PLK5: variants seen among roughly 807,000 people sequenced by gnomAD.
PLK5 encodes the protein inactive serine/threonine-protein kinase PLK5.
Under a neutral mutation model 33.7 loss-of-function variants are expected in PLK5, and 28 were observed. That is an observed-to-expected ratio of 0.83 (90% CI 0.62 to 1.14). The LOEUF is 1.14. Among genes scored for constraint, PLK5 ranks in the 50% most tolerant of loss-of-function variants. The pLI, the probability that PLK5 is intolerant of heterozygous loss-of-function variation, is 0.00. For missense variants in PLK5, 492 were observed against 461.5 expected, an observed-to-expected ratio of 1.07 and a Z score of -0.61; for synonymous variants, 225 against 202.2, an observed-to-expected ratio of 1.11 and a Z score of -0.96.
In PLK5 at chr19:1,535,598, C is replaced by T. The variant is rs1332722428; in HGVS notation, c.*348C>T. On this transcript the variant is annotated 3_prime_UTR_variant, in exon 14 of 14. Transcript: ENST00000454744. ...TTTTCACTAATGCAGACATTAGCAC[C>T]AGAGGCCAGTGTAGTGGCTCATGCC... 1 of 282,204 alleles carries T rather than the reference C, an allele frequency of 3.5e-6. No individual in the cohort carries two copies. Among genetic ancestry groups the T allele is most frequent in the Non-Finnish European group, 6.6e-6 (1 of 151,000 alleles). The allele number at this position is 282,204 out of a possible 1,614,324, so 17.5% of individuals were successfully genotyped here. A position where few individuals can be genotyped will look rare whatever the true frequency, so the allele number is the denominator to read the frequency against.
At position 1,535,220 on chromosome 19, in the gene PLK5, C is replaced by T. The variant is rs1339860462; in HGVS notation, c.981C>T (p.His327=). ...GCAPTTGQHL[H]HALRMLQSI ...CCCCCACCACCGGACAGCACCTTCA[C>T]CACGCCCTCCGCATGCTGCAGAGTA... The change falls in exon 14 of 14, where the codon CAC becomes CAT. Residue 327 remains histidine (H), a synonymous_variant. Transcript: ENST00000454744. 3.3e-6 allele frequency: 5 copies of T among 1,536,010 alleles called. No individual in the cohort carries two copies. The highest frequency in any genetic ancestry group is 1.2e-5 in the South Asian group (1 of 84,044).
At position 1,534,018 on chromosome 19, in the gene PLK5, C is replaced by T; in HGVS notation, c.802C>T (p.Leu268=). 2 of 1,535,668 alleles carry T rather than the reference C, an allele frequency of 1.3e-6. No individual in the cohort carries two copies. The highest frequency in any genetic ancestry group is 1.7e-6 in the Non-Finnish European group (2 of 1,146,750). The change falls in exon 13 of 14, where the codon CTG becomes TTG. Residue 268 remains leucine, a synonymous_variant. Transcript: ENST00000454744. ...GGCCTCTGAGCACGCCCTGCTGCTG[C>T]TGTTCAGCAATGGGATGGTGCAGGT... ...FLASEHALLL[L]FSNGMVQVSF... is the part of the protein sequence containing the mutation.
chr19:1,531,781 C>T lies in PLK5; in HGVS notation c.612C>T (p.Ala204=). 6.5e-7 allele frequency: 1 copy of T among 1,535,836 alleles called. No homozygotes were observed. Among genetic ancestry groups the T allele is most frequent in the South Asian group, 1.2e-5 (1 of 84,036 alleles). ...GAGAGCAGCAGCCCATCCTCTGGGC[C>T]CCCAAATGGGTGGATTATTCCAGCA... ...PLGEQQPILW[A]PKWVDYSSKY... The change falls in exon 12 of 14, where the codon GCC becomes GCT. Residue 204 remains alanine, a synonymous_variant. Transcript: ENST00000454744.
At position 1,529,934 on chromosome 19, in the gene PLK5, G is replaced by A. The variant is rs1913879314; in HGVS notation, c.568+110G>A. The stretch of plus-strand genomic sequence containing the variant: ...GGTATTTCTGGGGGTGAGGAGTAGG[G>A]GTGAGGGAGGCCCCAGGACACGGTG... On this transcript the variant is annotated intron_variant, in intron 11 of 13. Coordinates refer to ENST00000454744, the MANE Select transcript of PLK5 (RefSeq NM_001243079.2). 3 of 1,147,912 alleles carry A rather than the reference G, an allele frequency of 2.6e-6. No homozygotes were observed. The South Asian group carries it at 4.6e-5, about 18-fold the overall frequency. 71.1% of individuals were successfully genotyped at this position (1,147,912 alleles called of 1,614,324 possible). A position where few individuals can be genotyped will look rare whatever the true frequency, so the allele number is the denominator to read the frequency against.
chr19:1,527,821 G>T, intron 6 of PLK5, 115 bp from the exon 7 acceptor site: 1 of 1,070,178 alleles, frequency 9.3e-7, no homozygotes, highest in Non-Finnish European at 1.3e-6. Flanking sequence ...GTTGGGAGAT[G>T]AGGAAGCCGA....
chr19:1,527,911 G>C, intron 6 of PLK5, 25 bp from the exon 7 acceptor site: 1 of 1,527,352 alleles, frequency 6.5e-7, no homozygotes. Flanking sequence ...TGGACACCCA[G>C]GTTCTTGCCC....
chr19:1,534,155 GAAAAAAA>G, intron 13 of PLK5, 114 bp downstream of exon 13: 2 of 527,446 alleles, frequency 3.8e-6, no homozygotes, highest in South Asian at 5.1e-5. Context: ...TGCCTCCCAG[GAAAAAAA>G]AAAAAAAAAA....
chr19:1,530,035 G>A (rs921960993), intron 11 of PLK5, among the ~76,000 whole-genome samples: 1 of 152,044 alleles, frequency 6.6e-6, no homozygotes, highest in South Asian at 2.1e-4. Flanking sequence ...TACGTTTCAC[G>A]GTCTCTTAAA....
At chr19:1,533,631 A>G (rs2145548604) in intron 12 of PLK5, 1 of 540,988 alleles carries the variant, frequency 1.8e-6, no homozygotes, top group Middle Eastern at 4.9e-4. Flanking sequence ...CTGCTCTTTA[A>G]AGCCACCATT....
intron 12 of PLK5, 88 bp from the exon 13 acceptor site, chr19:1,533,843 C>T (rs1432325072): frequency 1.6e-5 from 14 of 885,948 alleles, no homozygotes; most frequent in Admixed American, 5.5e-5. Context: ...GCGGCGGCTG[C>T]GGGAGGTGAG....
At chr19:1,530,604 ATTTTTTTTTTT>A (rs759461067) in intron 11 of PLK5, among the ~76,000 whole-genome samples, 7 of 36,548 alleles carry the variant, frequency 1.9e-4, no homozygotes, top group East Asian at 1.1e-3. Context: ...GCCTGGGCGC[ATTTTTTTTTTT>A]TTTTTTTTTT....
intron 6 of PLK5, among the ~76,000 whole-genome samples, chr19:1,527,273 G>T (rs898501984): frequency 1.3e-5 from 2 of 151,990 alleles, no homozygotes; most frequent in African/African-American, 4.8e-5. Flanking sequence ...AGCGTGTGTG[G>T]GCGCAGGGCA....
intron 11 of PLK5, among the ~76,000 whole-genome samples, 153 bp from the exon 12 acceptor site, chr19:1,531,585 C>G (rs1273300209): frequency 6.6e-6 from 1 of 152,158 alleles, no homozygotes; most frequent in Non-Finnish European, 1.5e-5. Flanking sequence ...GATGTCTGGT[C>G]TCCTAGAATC....
chr19:1,525,473 CGAA>C (rs1913713411), intron 2 of PLK5, 55 bp downstream of exon 2: 3 of 152,672 alleles, frequency 2.0e-5, no homozygotes, highest in African/African-American at 7.2e-5. Context: ...CAGCGTGTCC[CGAA>C]GAAGGCCCTG....
At chr19:1,527,049 T>TG in intron 6 of PLK5, 51 bp downstream of exon 6, 1 of 422,482 alleles carries the variant, frequency 2.4e-6, no homozygotes, top group African/African-American at 5.3e-5. Context: ...GGGGCAGGTG[T>TG]GGCGGGGGGG....
intron 7 of PLK5, 69 bp downstream of exon 7, chr19:1,528,203 C>G (rs1448954693): frequency 1.3e-6 from 2 of 1,523,256 alleles, no homozygotes; most frequent in Admixed American, 4.0e-5. Flanking sequence ...CAGAGCCTGC[C>G]CTGCTCAGCC....
At chr19:1,525,457 A>G (rs1441604891) in intron 2 of PLK5, 39 bp downstream of exon 2, 2 of 152,362 alleles carry the variant, frequency 1.3e-5, no homozygotes, top group Non-Finnish European at 2.9e-5. Context: ...CACAGTCCGC[A>G]GCCCGCAGCG....
chr19:1,529,914 T>A, intron 11 of PLK5, 90 bp downstream of exon 11: 2 of 1,360,042 alleles, frequency 1.5e-6, no homozygotes, highest in Non-Finnish European at 2.0e-6. Flanking sequence ...TCCTGGGTAT[T>A]TCTGGGGGTG....
At chr19:1,533,704 G>A in intron 12 of PLK5, 1 of 596,636 alleles carries the variant, frequency 1.7e-6, no homozygotes, top group South Asian at 2.0e-5. Context: ...CAGAGGCCCT[G>A]TGTCCTGGCC....
Sources: gnomAD v4.1 joint callset for allele counts (sites outside exome capture counted in the v4.1 genomes callset) on GRCh38, gnomAD v4.1.1 for gene constraint, MANE v1.5 for transcripts, NCBI Gene and HGNC (gene_info 2026-07-23, HGNC 2026-07-21) for gene names.